RPL3L: variants seen among roughly 807,000 people sequenced by gnomAD.
RPL3L encodes the protein ribosomal protein uL3-like.
RPL3L carries 44 observed loss-of-function variants against 44.5 expected under a neutral mutation model. The ratio of observed to expected loss-of-function variants is 0.99; its 90% confidence interval spans 0.78 to 1.27. The LOEUF is 1.27. RPL3L is among the 50% of genes most tolerant of loss of function. The pLI is 0.00. For synonymous variants in RPL3L, 292 were observed against 230.7 expected, an observed-to-expected ratio of 1.27 and a Z score of -2.41; for missense variants, 631 against 569.1, an observed-to-expected ratio of 1.11 and a Z score of -1.11.
chr16:1,947,634 G>A (rs1045488956), intron 4 of RPL3L, among the ~76,000 whole-genome samples: 1 of 152,226 alleles, frequency 6.6e-6, no homozygotes, highest in Admixed American at 6.5e-5. Context: ...TCTTGGAGAG[G>A]ACAGAGTGCT....
rs752531898 is a variant in RPL3L at position 1,950,988 on chromosome 16, T to C, written c.366-9A>G. ...TCTTCTTGCTCTTGTGCCTGAGCCA[T>C]GCACAGGAGGGTGCTCAGAAGCCCC... On this transcript the variant is annotated splice_polypyrimidine_tract_variant and intron_variant, in intron 3 of 9. Transcript: ENST00000268661. The C allele has an allele frequency of 3.1e-6, 5 of 1,613,350 alleles. No homozygotes were observed. Among genetic ancestry groups the C allele is most frequent in the East Asian group, 2.2e-5 (1 of 44,868 alleles).
Position 1,954,649 on chromosome 16 carries a change from G to A in RPL3L, c.-18C>T, listed in dbSNP as rs762874132. The A allele has an allele frequency of 4.5e-6, 7 of 1,549,076 alleles. No homozygotes were observed. In the South Asian group the frequency reaches 6.0e-5, roughly 13 times the overall value. ...CCAACCATGGTGGCCGATCCCTGAAGGTCAGGAAGGGGCCTCGCCGCTAGC... is the reference window on the plus strand; with the variant it reads ...CCAACCATGGTGGCCGATCCCTGAAAGTCAGGAAGGGGCCTCGCCGCTAGC... On this transcript the variant is annotated 5_prime_UTR_variant, in exon 1 of 10. Transcript: ENST00000268661.
At chr16:1,949,299 G>C (rs186860623) in intron 4 of RPL3L, among the ~76,000 whole-genome samples, 17 of 135,322 alleles carry the variant, frequency 1.3e-4, no homozygotes, top group African/African-American at 4.7e-4. Context: ...TATCGCCCGG[G>C]CTGGAGTGCC....
chr16:1,954,240 C>G (rs2083191803), intron 1 of RPL3L, 92 bp from the exon 2 acceptor site: 2 of 1,316,572 alleles, frequency 1.5e-6, no homozygotes, highest in Non-Finnish European at 1.0e-6. Flanking sequence ...AAATGGACTA[C>G]AGGCTTCAGA....
At chr16:1,953,903 C>T (rs2083188805) in intron 2 of RPL3L, 53 bp downstream of exon 2, 2 of 1,424,872 alleles carry the variant, frequency 1.4e-6, no homozygotes, top group African/African-American at 2.9e-5. Context: ...TGGCTCCGAG[C>T]ATCTGGAAGG....
chr16:1,951,348 G>A (rs1011467470), intron 3 of RPL3L, among the ~76,000 whole-genome samples: 3 of 152,160 alleles, frequency 2.0e-5, no homozygotes, highest in Non-Finnish European at 4.4e-5. Context: ...TGCAGTGGGT[G>A]CCATGGCCAG....
At chr16:1,949,086 A>C (rs1597027144) in intron 4 of RPL3L, among the ~76,000 whole-genome samples, 1 of 129,896 alleles carries the variant, frequency 7.7e-6, no homozygotes, top group Non-Finnish European at 1.6e-5. Flanking sequence ...CTGCCTCAGC[A>C]CCCCTCTCCA....
chr16:1,950,546 A>G (rs772465966), intron 4 of RPL3L, among the ~76,000 whole-genome samples: 11 of 152,144 alleles, frequency 7.2e-5, no homozygotes, highest in Non-Finnish European at 1.2e-4. Flanking sequence ...TGGAAACCGA[A>G]GAGAGGTGAC....
At chr16:1,951,469 G>A (rs1450268670) in intron 3 of RPL3L, among the ~76,000 whole-genome samples, 1 of 151,790 alleles carries the variant, frequency 6.6e-6, no homozygotes, top group Non-Finnish European at 1.5e-5. Flanking sequence ...GCAGCCTGGA[G>A]CTCCCAGACT....
intron 4 of RPL3L, among the ~76,000 whole-genome samples, chr16:1,948,091 C>G (rs2083138770): frequency 1.3e-5 from 2 of 151,920 alleles, no homozygotes; most frequent in South Asian, 4.2e-4. Context: ...GTGCCCGCCA[C>G]CTCGACCAGC....
Position 1,945,630 on chromosome 16 carries a change from A to C in RPL3L, c.1048-12T>G. 1.2e-6 allele frequency: 2 copies of C among 1,613,682 alleles called. No homozygotes were observed. Among genetic ancestry groups the C allele is most frequent in the Non-Finnish European group, 1.7e-6 (2 of 1,179,942 alleles). On this transcript the variant is annotated splice_polypyrimidine_tract_variant and intron_variant, in intron 8 of 9. Transcript: ENST00000268661. ...TGCACCAGGAGGGACTGGGGAATCC[A>C]TGGTAAAGTAAACATCAAGTGTGGG... is the stretch of plus-strand genomic sequence containing the variant.
intron 2 of RPL3L, among the ~76,000 whole-genome samples, chr16:1,953,392 G>A (rs894137614): frequency 6.6e-6 from 1 of 152,060 alleles, no homozygotes; most frequent in Non-Finnish European, 1.5e-5. Context: ...GCTAATTTTT[G>A]TATTTTTTGT....
At chr16:1,954,256 G>A in intron 1 of RPL3L, 108 bp from the exon 2 acceptor site, 2 of 1,217,128 alleles carry the variant, frequency 1.6e-6, no homozygotes, top group Non-Finnish European at 2.2e-6. Flanking sequence ...TCAGACTGAG[G>A]CCTGTGCTCA....
At chr16:1,946,908 A>G (rs763473869) in intron 6 of RPL3L, 30 bp downstream of exon 6, 4 of 1,580,978 alleles carry the variant, frequency 2.5e-6, no homozygotes, top group African/African-American at 2.7e-5. Context: ...CCGACCACAC[A>G]GTGTCCCCGT....
intron 4 of RPL3L, among the ~76,000 whole-genome samples, chr16:1,950,503 T>C (rs2150864338): frequency 6.6e-6 from 1 of 152,176 alleles, no homozygotes; most frequent in East Asian, 1.9e-4. Context: ...GCCAGACCCA[T>C]GTACAAACAC....
chr16:1,954,202 T>G, intron 1 of RPL3L, 54 bp from the exon 2 acceptor site: 1 of 1,471,988 alleles, frequency 6.8e-7, no homozygotes, highest in Non-Finnish European at 9.1e-7. Flanking sequence ...GTGGTAGAGC[T>G]GGATGGTCCC....
chr16:1,952,525 C>G (rs2083177460), intron 3 of RPL3L, among the ~76,000 whole-genome samples: 1 of 151,798 alleles, frequency 6.6e-6, no homozygotes, highest in Non-Finnish European at 1.5e-5. Flanking sequence ...CAGGTGCGCA[C>G]CACCCCAGCC....
rs766159295 is a variant in RPL3L at position 1,944,849 on chromosome 16, C to T, written c.1212G>A (p.Ser404=). ...KHLEKETPET[S]GDL ...CACCCCACACAGCCTACAAGTCTCC[C>T]GAGGTCTCCGGCGTTTCCTTCTCCA... Residue 404 remains serine (S), a synonymous_variant, in exon 10 of 10, where the codon TCG becomes TCA. Coordinates refer to ENST00000268661, the MANE Select transcript of RPL3L (RefSeq NM_005061.3). 1.9e-6 allele frequency: 3 copies of T among 1,614,066 alleles called. No individual in the cohort carries two copies. Among genetic ancestry groups the T allele is most frequent in the Non-Finnish European group, 2.5e-6 (3 of 1,180,016 alleles).
intron 2 of RPL3L, 145 bp from the exon 3 acceptor site, chr16:1,953,187 A>G (rs542173679): frequency 4.9e-5 from 37 of 760,012 alleles, no homozygotes; most frequent in African/African-American, 4.7e-4. Flanking sequence ...GCTGAGCCCA[A>G]ATGAGCATTT....
Sources: gnomAD v4.1 joint callset for allele counts (sites outside exome capture counted in the v4.1 genomes callset) on GRCh38, gnomAD v4.1.1 for gene constraint, MANE v1.5 for transcripts, NCBI Gene and HGNC (gene_info 2026-07-23, HGNC 2026-07-21) for gene names.